The following USP24 variants were observed in gnomAD, a reference collection of about 807,000 sequenced individuals.
The protein encoded by USP24 is ubiquitin specific peptidase 24, also known as ubiquitin carboxyl-terminal hydrolase 24.
Under a neutral mutation model 361.6 loss-of-function variants are expected in USP24, and 97 were observed. The observed-to-expected ratio is 0.27, with a 90% CI of 0.23 to 0.32. The LOEUF is 0.32. Ranked by LOEUF, USP24 falls within the 10% of genes least tolerant of loss-of-function variation. The pLI, the probability that USP24 is intolerant of heterozygous loss-of-function variation, is 1.00. For missense variants in USP24, 2,353 were observed against 3,165.6 expected (o/e 0.74, Z 6.16); for synonymous variants, 1,098 against 1,124.6 (o/e 0.98, Z 0.47).
chr1:55,166,768 A>G (rs1648911321), intron 5 of USP24, among the ~76,000 whole-genome samples, 165 bp from the exon 6 acceptor site: 1 of 152,170 alleles, frequency 6.6e-6, no homozygotes, highest in African/African-American at 2.4e-5. Flanking sequence ...CTTTAACATT[A>G]CTGTATATGA....
At chr1:55,182,538 A>G (rs942534779) in intron 1 of USP24, among the ~76,000 whole-genome samples, 1 of 152,166 alleles carries the variant, frequency 6.6e-6, no homozygotes, top group East Asian at 1.9e-4. Flanking sequence ...ATCAAACAAC[A>G]TATGAAATCG....
chr1:55,068,892 T>C lies in USP24; in HGVS notation c.*153A>G. ...CCCAAACCTTCTAGTGGCTTAAAAA[T>C]GCTTTCCTTGAGAAATACACGATCC... On this transcript the variant is annotated 3_prime_UTR_variant, in exon 68 of 68. Transcript: ENST00000294383. 1.3e-6 allele frequency: 1 copy of C among 747,054 alleles called. No homozygotes were observed. Among genetic ancestry groups the C allele is most frequent in the South Asian group, 1.9e-5 (1 of 51,936 alleles). The allele number at this position is 747,054 out of a possible 1,614,324, so 46.3% of individuals were successfully genotyped here.
At position 55,147,724 on chromosome 1, in the gene USP24, C is replaced by T. The variant is rs1290357089; in HGVS notation, c.2043G>A (p.Arg681=). 1 of 1,612,504 alleles carries T rather than the reference C, an allele frequency of 6.2e-7. No homozygotes were observed. Among genetic ancestry groups the T allele is most frequent in the Admixed American group, 1.7e-5 (1 of 59,806 alleles). The part of the protein sequence containing the change: ...LVTGSLIACH[R]LAAAVAGPGG... ...CAGGCCCGGCCACAGCAGCTGCAAG[C>T]CGATGACAAGCGATCAAACTTCCCG... The change falls in exon 18 of 68, where the codon CGG becomes CGA. Residue 681 remains arginine, a synonymous_variant. Coordinates refer to ENST00000294383, the MANE Select transcript of USP24 (RefSeq NM_015306.3).
chr1:55,105,806 A>G (rs562508369), intron 41 of USP24, among the ~76,000 whole-genome samples: 1 of 152,358 alleles, frequency 6.6e-6, no homozygotes, highest in Non-Finnish European at 1.5e-5. Context: ...TCTCCTGAGA[A>G]ACCTTCAAGA....
At chr1:55,078,733 C>T in intron 60 of USP24, 82 bp from the exon 61 acceptor site, 1 of 1,092,948 alleles carries the variant, frequency 9.1e-7, no homozygotes, top group South Asian at 1.6e-5. Context: ...TAACTGAAAT[C>T]TACCCAGATT....
chr1:55,107,445 A>G lies in USP24; in HGVS notation c.4571-15T>C. 6.4e-7 allele frequency: 1 copy of G among 1,554,658 alleles called. No individual in the cohort carries two copies. The highest frequency in any genetic ancestry group is 8.7e-7 in the Non-Finnish European group (1 of 1,155,132). On this transcript the variant is annotated splice_polypyrimidine_tract_variant and intron_variant, in intron 39 of 67. Transcript: ENST00000294383. ...CATTTCTGAAGCTAAGAAGGAAAAAAAAAATCCATTACAAAGAAAGAAGGA... is the reference window on the plus strand; with the variant it reads ...CATTTCTGAAGCTAAGAAGGAAAAAGAAAATCCATTACAAAGAAAGAAGGA...
At chr1:55,141,785 G>A (rs2100690119) in intron 23 of USP24, 54 bp from the exon 24 acceptor site, 1 of 1,478,618 alleles carries the variant, frequency 6.8e-7, no homozygotes, top group Non-Finnish European at 9.3e-7. Context: ...CTGGACTCTA[G>A]TGACATTCTG....
At chr1:55,191,613 C>A (rs1461669673) in intron 1 of USP24, among the ~76,000 whole-genome samples, 1 of 151,810 alleles carries the variant, frequency 6.6e-6, no homozygotes, top group East Asian at 1.9e-4. Flanking sequence ...GTCTCAGCCT[C>A]CTGAGTAGCT....
intron 3 of USP24, among the ~76,000 whole-genome samples, chr1:55,175,504 G>C (rs1649889176): frequency 6.6e-6 from 1 of 152,038 alleles, no homozygotes; most frequent in African/African-American, 2.4e-5. Context: ...GGGATTACAG[G>C]CGTGAGCAAT....
At chr1:55,179,137 A>G (rs1314259885) in intron 1 of USP24, among the ~76,000 whole-genome samples, 1 of 152,148 alleles carries the variant, frequency 6.6e-6, no homozygotes, top group Non-Finnish European at 1.5e-5. Flanking sequence ...ACTAAATCCA[A>G]TTAAGTCTCA....
Position 55,097,045 on chromosome 1 carries a change from AC to A in USP24, c.5842del (p.Val1948LeufsTer47). 6.2e-7 allele frequency: 1 copy of A among 1,613,794 alleles called. No individual in the cohort carries two copies. Among genetic ancestry groups the A allele is most frequent in the Non-Finnish European group, 8.5e-7 (1 of 1,179,844 alleles). Reference sequence around the variant, plus strand: ...AAGTTCATAGTTTTCTGTGAGGGCAACCTTTTTTCGTGGGGATCCTCCACCG... The same window carrying A: ...AAGTTCATAGTTTTCTGTGAGGGCAACTTTTTTCGTGGGGATCCTCCACCG... ...QGGGGSPRKK[V>X]ALTENYELVG... On this transcript the variant is annotated frameshift_variant, in exon 49 of 68. Coordinates refer to ENST00000294383, the MANE Select transcript of USP24 (RefSeq NM_015306.3). LOFTEE classifies it high-confidence loss of function.
chr1:55,086,727 T>C (rs551030456), intron 55 of USP24, among the ~76,000 whole-genome samples: 1 of 152,344 alleles, frequency 6.6e-6, no homozygotes, highest in South Asian at 2.1e-4. Flanking sequence ...ACGCTGAAAA[T>C]TTATTGTGAA....
chr1:55,152,071 C>T lies in USP24; in HGVS notation c.1860+1799G>A, dbSNP rs933231897. On this transcript the variant is annotated intron_variant, in intron 16 of 67. Coordinates refer to ENST00000294383, the MANE Select transcript of USP24 (RefSeq NM_015306.3). ...CCATATCCAGGGGGCTTTGATCTTC[C>T]CACTGCCCCCCTTCAGCAATGTGTA... 9.2e-6 allele frequency: 7 copies of T among 756,806 alleles called. No individual in the cohort carries two copies. In the African/African-American group the frequency reaches 1.1e-4, roughly 12 times the overall value. The allele number at this position is 756,806 out of a possible 1,614,324, so 46.9% of individuals were successfully genotyped here.
Position 55,142,728 on chromosome 1 carries a change from A to G in USP24, c.2634+14T>C. The stretch of plus-strand genomic sequence containing the variant: ...TTTACCTCAAAGAGATGTTAAATAA[A>G]ATTTGCTACTCACTTCTAATCTTGT... On this transcript the variant is annotated intron_variant, in intron 23 of 67. Transcript: ENST00000294383. The G allele has an allele frequency of 6.8e-7, 1 of 1,478,926 alleles. No homozygotes were observed. The highest frequency in any genetic ancestry group is 2.4e-5 in the Admixed American group (1 of 41,722). 91.6% of individuals were successfully genotyped at this position (1,478,926 alleles called of 1,614,324 possible).
intron 21 of USP24, among the ~76,000 whole-genome samples, chr1:55,143,693 T>C (rs530979976): frequency 6.6e-6 from 1 of 152,254 alleles, no homozygotes; most frequent in South Asian, 2.1e-4. Flanking sequence ...CTAGTTTTCC[T>C]GCCTCACTGT....
chr1:55,077,391 CCTT>C, intron 61 of USP24, 91 bp from the exon 62 acceptor site: 1 of 1,183,988 alleles, frequency 8.4e-7, no homozygotes, highest in Non-Finnish European at 1.2e-6. Flanking sequence ...AGCTCTATCA[CCTT>C]CTGGCCGACC....
rs1336942737 is a variant in USP24, at chr1:55,145,985, A to G, written c.2362+13T>C. Reference sequence around the variant, plus strand: ...AAAAGTACTGAAAAAAATGATTTTAAGTTTTTTCCTACCATTCATAGTGAT... The same window carrying G: ...AAAAGTACTGAAAAAAATGATTTTAGGTTTTTTCCTACCATTCATAGTGAT... On this transcript the variant is annotated intron_variant, in intron 20 of 67. Coordinates refer to ENST00000294383, the MANE Select transcript of USP24 (RefSeq NM_015306.3). The G allele has an allele frequency of 6.4e-7, 1 of 1,569,988 alleles. No individual in the cohort carries two copies. Among genetic ancestry groups the G allele is most frequent in the African/African-American group, 1.4e-5 (1 of 73,878 alleles).
rs114626780 is a variant in USP24, at chr1:55,162,535, A to G, written c.928-271T>C. ...AATTAGATAAAATGATTTTAAAGTT[A>G]CATTGTAGAATACTATACATTTTTT... is the stretch of plus-strand genomic sequence containing the variant. On this transcript the variant is annotated intron_variant, in intron 7 of 67. Coordinates refer to ENST00000294383, the MANE Select transcript of USP24 (RefSeq NM_015306.3). 3.9e-4 allele frequency among the ~76,000 whole-genome samples: 60 copies of G among 152,336 alleles called. 1 individual carries two copies. The highest frequency in any genetic ancestry group is 1.4e-3 in the African/African-American group (57 of 41,586).
intron 1 of USP24, among the ~76,000 whole-genome samples, chr1:55,195,147 C>T (rs1334509835): frequency 6.6e-6 from 1 of 152,192 alleles, no homozygotes; most frequent in African/African-American, 2.4e-5. Flanking sequence ...AAAGTAAAAG[C>T]AAGCTTCTTG....
Sources: allele counts gnomAD v4.1 joint callset (sites outside exome capture counted in the v4.1 genomes callset), GRCh38; gene constraint gnomAD v4.1.1; transcripts MANE v1.5; gene names NCBI Gene and HGNC (gene_info 2026-07-23, HGNC 2026-07-21).